KCNIP4: variants seen among roughly 807,000 people sequenced by gnomAD.
The protein encoded by KCNIP4 is Kv channel-interacting protein 4.
Under a neutral mutation model 34.0 loss-of-function variants are expected in KCNIP4, and 12 were observed. That is an observed-to-expected ratio of 0.35 (90% CI 0.23 to 0.57). The LOEUF (loss-of-function observed/expected upper bound fraction) is 0.57. Ranked by LOEUF, KCNIP4 falls within the 20% of genes least tolerant of loss-of-function variation. The pLI is 0.83. For synonymous variants in KCNIP4, 124 were observed against 102.2 expected (o/e 1.21, Z -1.29); for missense variants, 238 against 311.7 (o/e 0.76, Z 1.78).
Position 21,125,207 on chromosome 4 carries a change from T to TTTTATTTTATTTTATTTTAA in KCNIP4, c.62-242499_62-242498insTTAAAATAAAATAAAATAAA, listed in dbSNP as rs1560744895. On this transcript the variant is annotated intron_variant, in intron 1 of 8. Transcript: ENST00000382152. ...TTTTGTCTTATTTTATTTTATTTTA[T>TTTTATTTTATTTTATTTTAA]TTTATTTTATTTTATTTTATTTTAT... 1.1e-3 allele frequency among the ~76,000 whole-genome samples: 155 copies of TTTTATTTTATTTTATTTTAA among 145,932 alleles called. 1 individual carries two copies. Among genetic ancestry groups the TTTTATTTTATTTTATTTTAA allele is most frequent in the African/African-American group, 3.7e-3 (144 of 39,084 alleles).
intron 1 of KCNIP4, among the ~76,000 whole-genome samples, chr4:21,196,694 C>G (rs1756080718): frequency 6.6e-6 from 1 of 152,114 alleles, no homozygotes; most frequent in Non-Finnish European, 1.5e-5. Flanking sequence ...TACCCTAGGC[C>G]CTTTCTGTAC....
At chr4:21,190,515 G>C (rs1299582295) in intron 1 of KCNIP4, among the ~76,000 whole-genome samples, 1 of 136,688 alleles carries the variant, frequency 7.3e-6, no homozygotes, top group Non-Finnish European at 1.6e-5. Flanking sequence ...GTGGGGGGGG[G>C]CACTGAGGGT....
intron 1 of KCNIP4, among the ~76,000 whole-genome samples, chr4:21,919,193 C>T (rs776885308): frequency 4.6e-5 from 7 of 152,258 alleles, no homozygotes; most frequent in Middle Eastern, 3.4e-3. Context: ...TAGACTATAG[C>T]GTGTTCCCTT....
intron 1 of KCNIP4, among the ~76,000 whole-genome samples, chr4:20,942,791 C>A (rs1398946377): frequency 6.6e-6 from 1 of 152,122 alleles, no homozygotes; most frequent in Non-Finnish European, 1.5e-5. Context: ...CCTGCCTCAG[C>A]CTCCTGAGTA....
chr4:21,670,962 ACTT>A (rs1390276475), intron 1 of KCNIP4, among the ~76,000 whole-genome samples: 1 of 143,534 alleles, frequency 7.0e-6, no homozygotes, highest in Non-Finnish European at 1.5e-5. Context: ...GGCTGAGTAA[ACTT>A]TTTTTTTTTT....
intron 1 of KCNIP4, among the ~76,000 whole-genome samples, chr4:20,926,770 G>A (rs1376471903): frequency 6.6e-6 from 1 of 152,134 alleles, no homozygotes; most frequent in African/African-American, 2.4e-5. Context: ...GGACATTACT[G>A]AATTTAGAAA....
At chr4:21,503,781 G>A (rs1577477653) in intron 1 of KCNIP4, among the ~76,000 whole-genome samples, 1 of 152,300 alleles carries the variant, frequency 6.6e-6, no homozygotes, top group African/African-American at 2.4e-5. Flanking sequence ...AAGGCCAGAT[G>A]AAATCAGATG....
At chr4:21,430,492 T>C (rs192890708) in intron 1 of KCNIP4, among the ~76,000 whole-genome samples, 6 of 152,186 alleles carry the variant, frequency 3.9e-5, no homozygotes, top group South Asian at 2.1e-4. Context: ...GCCATACTTA[T>C]GACAGTGAAG....
intron 1 of KCNIP4, among the ~76,000 whole-genome samples, chr4:21,640,346 C>A (rs1172031457): frequency 6.6e-6 from 1 of 152,176 alleles, no homozygotes; most frequent in Non-Finnish European, 1.5e-5. Flanking sequence ...TTCCGGCAGA[C>A]AAAAGCAATC....
At chr4:21,317,790 T>G (rs2109292074) in intron 1 of KCNIP4, among the ~76,000 whole-genome samples, 1 of 152,262 alleles carries the variant, frequency 6.6e-6, no homozygotes. Context: ...CATGCTGTTC[T>G]CATGATAGTG....
intron 1 of KCNIP4, among the ~76,000 whole-genome samples, chr4:21,260,082 G>A (rs932203866): frequency 1.2e-4 from 19 of 152,024 alleles, no homozygotes; most frequent in African/African-American, 4.6e-4. Context: ...TAATTTAAAC[G>A]GAGAAGGTGA....
chr4:21,147,978 C>G (rs1434822021), intron 1 of KCNIP4, among the ~76,000 whole-genome samples: 22 of 98,472 alleles, frequency 2.2e-4, no homozygotes, highest in Non-Finnish European at 4.9e-4. Context: ...AGTTCAAGTA[C>G]TTTGGGAATA....
chr4:21,872,102 T>C (rs1725855772), intron 1 of KCNIP4, among the ~76,000 whole-genome samples: 1 of 152,100 alleles, frequency 6.6e-6, no homozygotes. Context: ...TCCTATCAGC[T>C]GCAATTCCCT....
intron 1 of KCNIP4, among the ~76,000 whole-genome samples, chr4:21,820,787 T>C (rs1348270160): frequency 6.6e-6 from 1 of 152,158 alleles, no homozygotes; most frequent in Non-Finnish European, 1.5e-5. Context: ...TTCTTTAATC[T>C]ACATTTGGGT....
At chr4:21,606,411 C>A (rs1421012977) in intron 1 of KCNIP4, among the ~76,000 whole-genome samples, 1 of 152,034 alleles carries the variant, frequency 6.6e-6, no homozygotes, top group African/African-American at 2.4e-5. Context: ...TGCTGCTGTA[C>A]CGAATTACCA....
chr4:21,012,177 A>C (rs2149733698), intron 1 of KCNIP4, among the ~76,000 whole-genome samples: 1 of 152,344 alleles, frequency 6.6e-6, no homozygotes, highest in African/African-American at 2.4e-5. Flanking sequence ...TGTTGTGCCC[A>C]GCACACACAG....
intron 1 of KCNIP4, among the ~76,000 whole-genome samples, chr4:21,034,928 G>C (rs150765396): frequency 1.1e-3 from 175 of 152,272 alleles, no homozygotes; most frequent in African/African-American, 4.1e-3. Context: ...ATGGATCACT[G>C]ACAGTTCTTT....
At chr4:20,838,083 C>A (rs953005641) in intron 3 of KCNIP4, among the ~76,000 whole-genome samples, 1 of 152,090 alleles carries the variant, frequency 6.6e-6, no homozygotes, top group Non-Finnish European at 1.5e-5. Flanking sequence ...CTTATTACCA[C>A]CCTTGCATGG....
chr4:21,018,534 C>T (rs1013461250), intron 1 of KCNIP4, among the ~76,000 whole-genome samples: 87 of 152,260 alleles, frequency 5.7e-4, no homozygotes, highest in African/African-American at 1.9e-3. Context: ...GAAGGCTTCT[C>T]TCTAGGCAAC....
Sources: gnomAD v4.1 joint callset for allele counts (sites outside exome capture counted in the v4.1 genomes callset) on GRCh38, gnomAD v4.1.1 for gene constraint, MANE v1.5 for transcripts, NCBI Gene and HGNC (gene_info 2026-07-23, HGNC 2026-07-21) for gene names.